Variants in KSR2 observed in about 807,000 individuals in gnomAD.
The protein encoded by KSR2 is kinase suppressor of ras 2.
A neutral mutation model predicts 107.8 loss-of-function variants in KSR2; 25 were observed. The observed-to-expected ratio is 0.23, with a 90% CI of 0.17 to 0.32. The LOEUF (loss-of-function observed/expected upper bound fraction) is 0.32, where lower values mean the gene tolerates loss of function less well. Ranked by LOEUF, KSR2 falls within the 10% of genes least tolerant of loss-of-function variation. The pLI is 1.00. For synonymous variants in KSR2, 480 were observed against 507.0 expected (o/e 0.95, Z 0.71); for missense variants, 887 against 1,268.9 (o/e 0.70, Z 4.57).
chr12:117,581,038 G>A (rs1249710546), intron 6 of KSR2, among the ~76,000 whole-genome samples: 1 of 152,214 alleles, frequency 6.6e-6, no homozygotes, highest in East Asian at 1.9e-4. Context: ...TGTCTTTGAT[G>A]CCTTTCTCTC....
At chr12:117,610,088 T>C (rs1881509883) in intron 5 of KSR2, among the ~76,000 whole-genome samples, 2 of 152,186 alleles carry the variant, frequency 1.3e-5, no homozygotes, top group Non-Finnish European at 2.9e-5. Context: ...TATCGTTTTC[T>C]TATTTTTATA....
At chr12:117,936,086 G>A (rs1476768421) in intron 1 of KSR2, among the ~76,000 whole-genome samples, 2 of 151,876 alleles carry the variant, frequency 1.3e-5, no homozygotes, top group Non-Finnish European at 2.9e-5. Flanking sequence ...ACCCAGGCTG[G>A]AGTACAGTGG....
chr12:117,877,672 C>T lies in KSR2; in HGVS notation c.181-17241G>A, dbSNP rs1238219962. 3.3e-5 allele frequency among the ~76,000 whole-genome samples: 5 copies of T among 152,184 alleles called. No homozygotes were observed. In the East Asian group the frequency reaches 5.8e-4, roughly 18 times the overall value. ...AAAGAAGCACAGAGTAACAATGGAA[C>T]TTGCCTAAGGTCACATGGATAAAAC... On this transcript the variant is annotated intron_variant, in intron 1 of 19. Transcript: ENST00000339824.
chr12:117,481,243 C>G (rs1395116410), intron 16 of KSR2, among the ~76,000 whole-genome samples: 1 of 152,150 alleles, frequency 6.6e-6, no homozygotes, highest in Non-Finnish European at 1.5e-5. Context: ...TTTCTGGAAT[C>G]TATCTCAAGG....
At chr12:117,803,426 G>A (rs999673357) in intron 3 of KSR2, among the ~76,000 whole-genome samples, 2 of 152,228 alleles carry the variant, frequency 1.3e-5, no homozygotes, top group Non-Finnish European at 2.9e-5. Flanking sequence ...AAATTGGCCA[G>A]GCGCAGTGGC....
At chr12:117,904,812 C>T (rs1349844088) in intron 1 of KSR2, among the ~76,000 whole-genome samples, 1 of 152,168 alleles carries the variant, frequency 6.6e-6, no homozygotes, top group Non-Finnish European at 1.5e-5. Flanking sequence ...CAAAACTTGT[C>T]ACCTGCACAC....
At chr12:117,741,457 C>T (rs915066715) in intron 4 of KSR2, among the ~76,000 whole-genome samples, 1 of 152,088 alleles carries the variant, frequency 6.6e-6, no homozygotes, top group South Asian at 2.1e-4. Flanking sequence ...CCCAGGATGT[C>T]GAGGCTGCAG....
chr12:117,729,692 C>T (rs1183295615), intron 4 of KSR2, among the ~76,000 whole-genome samples: 3 of 150,500 alleles, frequency 2.0e-5, no homozygotes, highest in Non-Finnish European at 4.4e-5. Flanking sequence ...ATCCACCCAT[C>T]CACCCACCCA....
chr12:117,714,839 C>G (rs982279793), intron 4 of KSR2, among the ~76,000 whole-genome samples: 1 of 152,154 alleles, frequency 6.6e-6, no homozygotes, highest in African/African-American at 2.4e-5. Context: ...CTACAATGCA[C>G]AGGACAGCCA....
chr12:117,490,152 C>T (rs553035375), intron 14 of KSR2, among the ~76,000 whole-genome samples: 52 of 152,274 alleles, frequency 3.4e-4, no homozygotes, highest in African/African-American at 1.2e-3. Flanking sequence ...AACCCATTCC[C>T]GATCTTCTTC....
At chr12:117,875,337 T>TA (rs1443476374) in intron 1 of KSR2, among the ~76,000 whole-genome samples, 1 of 146,944 alleles carries the variant, frequency 6.8e-6, no homozygotes, top group Non-Finnish European at 1.5e-5. Context: ...GGTGCTATTT[T>TA]TTTTTTTTTT....
chr12:117,710,031 G>A (rs1886695423), intron 4 of KSR2, among the ~76,000 whole-genome samples: 3 of 152,334 alleles, frequency 2.0e-5, no homozygotes, highest in Middle Eastern at 6.8e-3. Context: ...CAGCTCTCGA[G>A]GAGATGGATC....
At chr12:117,527,765 G>A (rs1200754099) in intron 12 of KSR2, among the ~76,000 whole-genome samples, 1 of 152,176 alleles carries the variant, frequency 6.6e-6, no homozygotes, top group South Asian at 2.1e-4. Context: ...ATGCAGGGAG[G>A]CTAAAAGTAA....
At chr12:117,474,938 T>A (rs1056957748) in intron 17 of KSR2, among the ~76,000 whole-genome samples, 1 of 152,106 alleles carries the variant, frequency 6.6e-6, no homozygotes, top group Admixed American at 6.5e-5. Context: ...GATGCCACTC[T>A]CCACCTGCTT....
rs1397996705 is a variant in KSR2, at chr12:117,848,831, GGT to G, written c.472+6595_472+6596del. On this transcript the variant is annotated intron_variant, in intron 3 of 19. Coordinates refer to ENST00000339824, the MANE Select transcript of KSR2 (RefSeq NM_173598.6). ...AGTGATGGTGGTGGGTGGTGATGGT[GGT>G]AGTGGTGGTGATGGTGATGATGGTG... is the stretch of plus-strand genomic sequence containing the variant. Among the ~76,000 whole-genome samples, 178 of 131,104 alleles carry G rather than the reference GGT, an allele frequency of 1.4e-3. 2 individuals carry two copies. Among genetic ancestry groups the G allele is most frequent in the Non-Finnish European group, 2.1e-3 (129 of 62,674 alleles). The allele number at this position is 131,104 out of a possible 152,430, so 86.0% of individuals were successfully genotyped here.
At chr12:117,652,638 C>A (rs1421287467) in intron 5 of KSR2, among the ~76,000 whole-genome samples, 2 of 152,166 alleles carry the variant, frequency 1.3e-5, no homozygotes, top group Non-Finnish European at 2.9e-5. Flanking sequence ...TTCTCCCATC[C>A]TTCCCCAAGG....
chr12:117,789,519 T>G (rs920592859), intron 3 of KSR2, among the ~76,000 whole-genome samples: 2 of 152,206 alleles, frequency 1.3e-5, no homozygotes, highest in African/African-American at 4.8e-5. Context: ...AAACTGAGGC[T>G]CAGAGAAGCA....
At chr12:117,802,396 T>C (rs1566023167) in intron 3 of KSR2, among the ~76,000 whole-genome samples, 1 of 152,158 alleles carries the variant, frequency 6.6e-6, no homozygotes, top group Non-Finnish European at 1.5e-5. Context: ...TCAAAGTCCC[T>C]TTACTATGTA....
At chr12:117,677,185 GGT>G (rs1354450602) in intron 4 of KSR2, 1 of 152,102 alleles carries the variant, frequency 6.6e-6, no homozygotes, top group East Asian at 1.9e-4. Flanking sequence ...ACATTCTCTT[GGT>G]TCTCACCATC....
Sources: gnomAD v4.1 joint callset for allele counts (sites outside exome capture counted in the v4.1 genomes callset) on GRCh38, gnomAD v4.1.1 for gene constraint, MANE v1.5 for transcripts, NCBI Gene and HGNC (gene_info 2026-07-23, HGNC 2026-07-21) for gene names.